Variants in DOCK8 observed in about 807,000 individuals in gnomAD.
The protein encoded by DOCK8 is dedicator of cytokinesis protein 8.
Under a neutral mutation model 245.6 loss-of-function variants are expected in DOCK8, and 141 were observed. The observed-to-expected ratio is 0.57, with a 90% CI of 0.50 to 0.66. The LOEUF (loss-of-function observed/expected upper bound fraction) is 0.66, where lower values mean the gene tolerates loss of function less well. DOCK8 is among the 30% of genes least tolerant of loss of function. The pLI, the probability that DOCK8 is intolerant of heterozygous loss-of-function variation, is 0.00. For synonymous variants in DOCK8, 1,168 were observed against 970.2 expected, an observed-to-expected ratio of 1.20 and a Z score of -3.79; for missense variants, 2,965 against 2,603.4, an observed-to-expected ratio of 1.14 and a Z score of -3.02.
At chr9:406,811 C>CT (rs1221498293) in intron 27 of DOCK8, 119 bp from the exon 28 acceptor site, 1 of 1,303,662 alleles carries the variant, frequency 7.7e-7, no homozygotes, top group African/African-American at 1.4e-5. Flanking sequence ...ACCAGAGTAC[C>CT]TACCTCACTG....
At chr9:386,239 T>TA in intron 22 of DOCK8, 92 bp from the exon 23 acceptor site, 2 of 1,085,624 alleles carry the variant, frequency 1.8e-6, no homozygotes, top group Non-Finnish European at 2.8e-6. Context: ...AAAATATGTA[T>TA]AAAAAAATGA....
At chr9:220,300 C>T (rs2046852453) in intron 1 of DOCK8, among the ~76,000 whole-genome samples, 1 of 152,176 alleles carries the variant, frequency 6.6e-6, no homozygotes, top group South Asian at 2.1e-4. Flanking sequence ...GCTGAAATAA[C>T]CTTCTACCAG....
At chr9:279,818 C>T (rs1226257950) in intron 2 of DOCK8, among the ~76,000 whole-genome samples, 1 of 152,204 alleles carries the variant, frequency 6.6e-6, no homozygotes, top group East Asian at 1.9e-4. Context: ...GACATCATGC[C>T]TCTTCCCCGT....
At chr9:283,491 C>G (rs1210323176) in intron 2 of DOCK8, among the ~76,000 whole-genome samples, 1 of 152,082 alleles carries the variant, frequency 6.6e-6, no homozygotes, top group African/African-American at 2.4e-5. Flanking sequence ...TTTAGTGTCT[C>G]CATCACCCAA....
At chr9:406,508 AAAG>A in intron 27 of DOCK8, among the ~76,000 whole-genome samples, 1 of 145,088 alleles carries the variant, frequency 6.9e-6, no homozygotes, top group Admixed American at 7.0e-5. Context: ...AAAAAAAAAA[AAAG>A]AAGGTACCTG....
chr9:414,188 A>T (rs562365638), intron 28 of DOCK8, among the ~76,000 whole-genome samples: 1 of 152,280 alleles, frequency 6.6e-6, no homozygotes, highest in Admixed American at 6.5e-5. Context: ...ATGTACTCTG[A>T]GGTATGTACC....
chr9:291,385 A>G (rs2049030812), intron 4 of DOCK8, among the ~76,000 whole-genome samples: 1 of 152,202 alleles, frequency 6.6e-6, no homozygotes, highest in South Asian at 2.1e-4. Context: ...ACAGATAATC[A>G]TCATGAACAT....
In DOCK8 at chr9:367,884, A is replaced by G. The variant is rs1438336205; in HGVS notation, c.1680-134A>G. 12 of 717,786 alleles carry G rather than the reference A, an allele frequency of 1.7e-5. No individual in the cohort carries two copies. The East Asian group carries it at 2.9e-4, about 17-fold the overall frequency. The allele number at this position is 717,786 out of a possible 1,614,324, so 44.5% of individuals were successfully genotyped here. A position where few individuals can be genotyped will look rare whatever the true frequency, so the allele number is the denominator to read the frequency against. Reference sequence around the variant, plus strand: ...AATCAAGTAATTCACTCCCCCCAATAATAATTCACTTCTGAGAGGAAAAAC... The same window carrying G: ...AATCAAGTAATTCACTCCCCCCAATGATAATTCACTTCTGAGAGGAAAAAC... On this transcript the variant is annotated intron_variant, in intron 14 of 47. Transcript: ENST00000432829.
intron 7 of DOCK8, among the ~76,000 whole-genome samples, chr9:323,343 C>T (rs534066499): frequency 7.8e-4 from 117 of 150,904 alleles, no homozygotes; most frequent in African/African-American, 2.7e-3. Flanking sequence ...CCTGCCTCAG[C>T]CTCCCGAGTA....
rs150682688 is a variant in DOCK8, at chr9:439,370, C to A, written c.5205C>A (p.Ala1735=). ...ESGLVGLLEQ[A]AELFSTGGLY... The stretch of plus-strand genomic sequence containing the variant: ...GCCTGGTAGGCCTCCTGGAGCAGGC[C>A]GCGGAGCTCTTCAGCACGGTCAGTG... Residue 1735 remains alanine, a synonymous_variant, in exon 40 of 48, where the codon GCC becomes GCA. Transcript: ENST00000432829. The A allele has an allele frequency of 2.7e-5, 43 of 1,613,522 alleles. No individual in the cohort carries two copies. Among genetic ancestry groups the A allele is most frequent in the Non-Finnish European group, 4.2e-6 (5 of 1,179,958 alleles).
intron 9 of DOCK8, among the ~76,000 whole-genome samples, chr9:328,896 C>G (rs377700952): frequency 6.8e-6 from 1 of 148,030 alleles, no homozygotes; most frequent in South Asian, 2.1e-4. Context: ...TAACAAACAT[C>G]AGGTATTTTA....
intron 1 of DOCK8, among the ~76,000 whole-genome samples, chr9:229,854 T>C (rs2131368409): frequency 6.6e-6 from 1 of 152,056 alleles, no homozygotes; most frequent in Non-Finnish European, 1.5e-5. Flanking sequence ...TTTAAACAAA[T>C]TAGGGGTTTA....
intron 1 of DOCK8, among the ~76,000 whole-genome samples, chr9:224,462 T>C (rs16907700): frequency 0.031 from 4,769 of 152,206 alleles, 215 homozygotes; most frequent in African/African-American, 0.11. Flanking sequence ...AGTCTTGAAG[T>C]GGATATTTTG....
At chr9:326,053 A>G (rs921153027) in intron 8 of DOCK8, among the ~76,000 whole-genome samples, 3 of 152,224 alleles carry the variant, frequency 2.0e-5, no homozygotes, top group Non-Finnish European at 4.4e-5. Context: ...TTGGATGCGC[A>G]TGTAAAGCTT....
At chr9:427,123 A>G (rs965610918) in intron 34 of DOCK8, 142 bp downstream of exon 34, 4 of 734,874 alleles carry the variant, frequency 5.4e-6, no homozygotes, top group African/African-American at 3.5e-5. Context: ...GAAGTTTACT[A>G]TTTACAACAG....
In DOCK8 at chr9:400,843, C is replaced by T. The variant is rs1022388836; in HGVS notation, c.3234+1584C>T. On this transcript the variant is annotated intron_variant, in intron 26 of 47. Coordinates refer to ENST00000432829, the MANE Select transcript of DOCK8 (RefSeq NM_203447.4). ...CCTCCACCATCACCATCACCACCAC[C>T]TCCACCATCACCACCTCCTCCACCA... Among the ~76,000 whole-genome samples the T allele has an allele frequency of 4.6e-5, 5 of 109,726 alleles. 1 individual carries two copies. The highest frequency in any genetic ancestry group is 9.5e-5 in the Non-Finnish European group (5 of 52,738). 72.0% of individuals were successfully genotyped at this position (109,726 alleles called of 152,430 possible).
chr9:415,469 T>G (rs1251726382), intron 29 of DOCK8, among the ~76,000 whole-genome samples: 2 of 152,198 alleles, frequency 1.3e-5, no homozygotes, highest in East Asian at 1.9e-4. Context: ...TGACTAATTT[T>G]GAGGTTAATA....
intron 7 of DOCK8, among the ~76,000 whole-genome samples, chr9:322,524 AC>A (rs1432676251): frequency 6.6e-6 from 1 of 152,220 alleles, no homozygotes; most frequent in African/African-American, 2.4e-5. Flanking sequence ...TTCCCTGGGA[AC>A]CTTGCTTTCC....
rs145689180 is a variant in DOCK8 at position 446,558 on chromosome 9, C to T, written c.5769C>T (p.His1923=). ...YRRNTVLTTM[H]AFPYIKTRIS... is the part of the protein sequence containing the mutation. ...GGAACACAGTCCTGACCACTATGCA[C>T]GCCTTCCCCTACATCAAGACCAGGA... The change falls in exon 44 of 48, where the codon CAC becomes CAT. Residue 1923 remains histidine, a synonymous_variant. Coordinates refer to ENST00000432829, the MANE Select transcript of DOCK8 (RefSeq NM_203447.4). 1.9e-5 allele frequency: 31 copies of T among 1,614,090 alleles called. No homozygotes were observed. Among genetic ancestry groups the T allele is most frequent in the South Asian group, 9.9e-5 (9 of 91,090 alleles).
Sources: gnomAD v4.1 joint callset for allele counts (sites outside exome capture counted in the v4.1 genomes callset) on GRCh38, gnomAD v4.1.1 for gene constraint, MANE v1.5 for transcripts, NCBI Gene and HGNC (gene_info 2026-07-23, HGNC 2026-07-21) for gene names.